Variants in ABCA4 observed in about 807,000 individuals in gnomAD.
The protein encoded by ABCA4 is ATP binding cassette subfamily A member 4, also known as retinal-specific phospholipid-transporting ATPase ABCA4.
A neutral mutation model predicts 263.7 loss-of-function variants in ABCA4; 196 were observed. The observed-to-expected ratio is 0.74, with a 90% confidence interval of 0.66 to 0.84. ABCA4 has a LOEUF of 0.84. Ranked by LOEUF, ABCA4 falls within the 40% of genes least tolerant of loss-of-function variation. The probability of loss-of-function intolerance (pLI) is 0.00; values close to 1 mark genes in which losing one functional copy is unlikely to be tolerated. For synonymous variants in ABCA4, 1,133 were observed against 1,094.2 expected, an observed-to-expected ratio of 1.04 and a Z score of -0.70; for missense variants, 2,792 against 2,855.1, an observed-to-expected ratio of 0.98 and a Z score of 0.50.
intron 7 of ABCA4, among the ~76,000 whole-genome samples, chr1:94,082,381 T>C (rs547321871): frequency 6.6e-6 from 1 of 152,184 alleles, no homozygotes; most frequent in African/African-American, 2.4e-5. Context: ...GAACTAAGAG[T>C]GTTGATATAC....
At chr1:94,034,469 C>T (rs754283005) in intron 26 of ABCA4, among the ~76,000 whole-genome samples, 10 of 152,012 alleles carry the variant, frequency 6.6e-5, no homozygotes, top group Non-Finnish European at 1.5e-5. Flanking sequence ...ACGTAGTAAC[C>T]GTGGCAGTCA....
rs4847281 is a variant in ABCA4, at chr1:94,112,992, T to C, written c.141A>G (p.Pro47=). The C allele has an allele frequency of 1, 1,610,296 of 1,613,766 alleles. 803,477 individuals are homozygous for C. Among genetic ancestry groups the C allele is most frequent in the East Asian group, 1 (44,873 of 44,874 alleles). ...GCTTACATTCATGATGGCTGTAGAG[T>C]GGGTTGGCATTCCTTAACCAGATCA... is the stretch of plus-strand genomic sequence containing the variant. ...LVLIWLRNAN[P]LYSHHECHFP... The change falls in exon 2 of 50, where the codon CCA becomes CCG. Residue 47 remains proline (P), a synonymous_variant. Transcript: ENST00000370225.
chr1:94,071,740 G>C (rs922109636), intron 11 of ABCA4, among the ~76,000 whole-genome samples: 1 of 152,062 alleles, frequency 6.6e-6, no homozygotes, highest in East Asian at 1.9e-4. Flanking sequence ...CCATGACCCC[G>C]GTCTACCCCT....
chr1:94,079,483 AT>A (rs1557794915), intron 8 of ABCA4, 22 bp from the exon 9 acceptor site: 1 of 1,614,186 alleles, frequency 6.2e-7, no homozygotes, highest in Non-Finnish European at 8.5e-7. Flanking sequence ...CAAGGGACAG[AT>A]TTTACAGAAA....
chr1:94,013,085 G>A (rs1264466381), intron 38 of ABCA4, among the ~76,000 whole-genome samples: 4 of 152,190 alleles, frequency 2.6e-5, no homozygotes, highest in Non-Finnish European at 2.9e-5. Flanking sequence ...GTTGCTTTAA[G>A]CTGGCTATTT....
At chr1:94,080,269 T>C (rs1345551102) in intron 8 of ABCA4, among the ~76,000 whole-genome samples, 1 of 152,170 alleles carries the variant, frequency 6.6e-6, no homozygotes, top group Non-Finnish European at 1.5e-5. Flanking sequence ...GGGCCTCAGT[T>C]CTTTCTGTGG....
At chr1:94,065,709 G>T (rs181533770) in intron 11 of ABCA4, among the ~76,000 whole-genome samples, 2 of 152,358 alleles carry the variant, frequency 1.3e-5, no homozygotes, top group East Asian at 3.9e-4. Context: ...GATATGGGCA[G>T]AGGAACACAG....
At chr1:94,014,399 C>T (rs1659662925) in intron 38 of ABCA4, 144 bp downstream of exon 38, 6 of 876,802 alleles carry the variant, frequency 6.8e-6, no homozygotes, top group Non-Finnish European at 9.3e-6. Flanking sequence ...GGAAAGGAGG[C>T]AGGGTCGGGG....
chr1:94,046,306 AC>A (rs55989933), intron 19 of ABCA4, among the ~76,000 whole-genome samples: 17,190 of 108,650 alleles, frequency 0.16, 2,285 homozygotes, highest in Non-Finnish European at 0.25. Flanking sequence ...AAAAAAAAAT[AC>A]AAAAATTAGC....
chr1:94,040,011 C>T lies in ABCA4; in HGVS notation c.3607+32G>A, dbSNP rs281865390. Reference sequence around the variant, plus strand: ...GCAATACTGGGAGATGGCTGCCAGACGGAACCCAAGTATGGCCCGTCCAGT... The same window carrying T: ...GCAATACTGGGAGATGGCTGCCAGATGGAACCCAAGTATGGCCCGTCCAGT... On this transcript the variant is annotated intron_variant, in intron 24 of 49. Transcript: ENST00000370225. 134 of 1,557,772 alleles carry T rather than the reference C, an allele frequency of 8.6e-5. No individual in the cohort carries two copies. The Middle Eastern group carries it at 1.3e-3, about 15-fold the overall frequency.
intron 38 of ABCA4, among the ~76,000 whole-genome samples, chr1:94,014,222 A>G (rs1659655089): frequency 6.6e-6 from 1 of 150,638 alleles, no homozygotes; most frequent in Admixed American, 6.6e-5. Context: ...GGAGGGATGG[A>G]GGGAGGATGA....
chr1:94,035,288 T>C (rs192497366), intron 26 of ABCA4, among the ~76,000 whole-genome samples: 2 of 152,354 alleles, frequency 1.3e-5, no homozygotes, highest in East Asian at 3.9e-4. Flanking sequence ...TATGAGTCTT[T>C]GACATTGGGT....
chr1:93,999,119 C>T (rs1659103342), intron 47 of ABCA4, among the ~76,000 whole-genome samples: 1 of 152,088 alleles, frequency 6.6e-6, no homozygotes, highest in South Asian at 2.1e-4. Context: ...GATCTCGATT[C>T]ACTGCAACCT....
chr1:94,043,557 A>G (rs1344024301), intron 20 of ABCA4, 82 bp from the exon 21 acceptor site: 3 of 1,572,694 alleles, frequency 1.9e-6, no homozygotes, highest in Non-Finnish European at 2.6e-6. Flanking sequence ...AATTGAGGAC[A>G]AGTATTCTTG....
intron 4 of ABCA4, among the ~76,000 whole-genome samples, chr1:94,104,572 A>T (rs1662371863): frequency 6.6e-6 from 1 of 152,158 alleles, no homozygotes; most frequent in Admixed American, 6.5e-5. Context: ...GTCTTGCGCC[A>T]ACCCCACAGG....
chr1:94,096,818 G>A (rs1420283122), intron 6 of ABCA4, among the ~76,000 whole-genome samples: 1 of 152,212 alleles, frequency 6.6e-6, no homozygotes, highest in Non-Finnish European at 1.5e-5. Context: ...AGGGAAGAAT[G>A]ATGCTGCTCC....
intron 11 of ABCA4, among the ~76,000 whole-genome samples, chr1:94,065,218 G>A (rs1376514271): frequency 6.6e-6 from 1 of 151,986 alleles, no homozygotes; most frequent in African/African-American, 2.4e-5. Context: ...TGGCGCTCAG[G>A]GCCCTCACTA....
In ABCA4 at chr1:94,055,272, A is replaced by G. The variant is rs779632834; in HGVS notation, c.2426T>C (p.Leu809Pro). 1 of 1,614,208 alleles carries G rather than the reference A, an allele frequency of 6.2e-7. No individual in the cohort carries two copies. The highest frequency in any genetic ancestry group is 8.5e-7 in the Non-Finnish European group (1 of 1,180,032). ...CAGGCCTTGCTCTTCAAAGCGAACC[A>G]GGTACTCAGTGCCAAATCCAAATGC... ...PVAFGFGTEY[L>P]VRFEEQGLGL... The change falls in exon 16 of 50, where the codon CTG becomes CCG. Residue 809 changes from leucine (L) to proline (P), a missense_variant. Coordinates refer to ENST00000370225, the MANE Select transcript of ABCA4 (RefSeq NM_000350.3).
chr1:94,117,625 G>C (rs944483554), intron 1 of ABCA4, among the ~76,000 whole-genome samples: 9 of 152,100 alleles, frequency 5.9e-5, no homozygotes, highest in Non-Finnish European at 1.2e-4. Flanking sequence ...GCAGTGGAGA[G>C]AGCGCTCGTC....
Sources: allele counts gnomAD v4.1 joint callset (sites outside exome capture counted in the v4.1 genomes callset), GRCh38; gene constraint gnomAD v4.1.1; transcripts MANE v1.5; gene names NCBI Gene and HGNC (gene_info 2026-07-23, HGNC 2026-07-21).